PER2: variants seen among roughly 807,000 people sequenced by gnomAD.
The protein encoded by PER2 is period circadian protein homolog 2.
A neutral mutation model predicts 121.0 loss-of-function variants in PER2; 66 were observed. That is an observed-to-expected ratio of 0.55 (90% CI 0.45 to 0.67). The LOEUF (loss-of-function observed/expected upper bound fraction) is 0.67. Among genes scored for constraint, PER2 ranks in the 30% least tolerant of loss-of-function variants. The probability of loss-of-function intolerance (pLI) is 0.00; values close to 1 mark genes in which losing one functional copy is unlikely to be tolerated. For missense variants in PER2, 1,521 were observed against 1,635.0 expected, an observed-to-expected ratio of 0.93 and a Z score of 1.20; for synonymous variants, 684 against 659.9, an observed-to-expected ratio of 1.04 and a Z score of -0.56.
chr2:238,290,277 C>G (rs950153185), upstream of PER2, among the ~76,000 whole-genome samples: 1 of 152,136 alleles, frequency 6.6e-6, no homozygotes, highest in Non-Finnish European at 1.5e-5. Flanking sequence ...GACACCTCGA[C>G]ACACTCCCCG....
rs905950478 is a variant in PER2 at position 238,278,231 on chromosome 2, G to A, written c.-19-276C>T. 3.3e-5 allele frequency among the ~76,000 whole-genome samples: 5 copies of A among 152,154 alleles called. No individual in the cohort carries two copies. The East Asian group carries it at 5.8e-4, about 18-fold the overall frequency. ...ACCACAGGCACTCACCACCATGCCT[G>A]GTTAATTTTTTGTATTTTTGGTAGA... On this transcript the variant is annotated intron_variant, in intron 1 of 22. Transcript: ENST00000254657.
rs989227244 is a variant in PER2 at position 238,252,550 on chromosome 2, C to A, written c.3111+362G>T. On this transcript the variant is annotated intron_variant, in intron 19 of 22. Transcript: ENST00000254657. This position sits in a 1 kb window ranked among gnomAD's most constrained non-coding sequence, Gnocchi z 4.2. The stretch of plus-strand genomic sequence containing the variant: ...CGGGGCCACCTGAGCCAGGCTCCGG[C>A]GCCACACCCTGAGGAGCCCTAGCTC... Among the ~76,000 whole-genome samples the A allele has an allele frequency of 6.6e-6, 1 of 152,196 alleles. No individual in the cohort carries two copies. Among genetic ancestry groups the A allele is most frequent in the Non-Finnish European group, 1.5e-5 (1 of 68,030 alleles).
chr2:238,279,968 C>T (rs979665031), intron 1 of PER2, among the ~76,000 whole-genome samples: 5 of 152,216 alleles, frequency 3.3e-5, no homozygotes, highest in African/African-American at 7.2e-5. Context: ...CAAGGCTGGA[C>T]AGTCAAGAGC....
chr2:238,270,256 T>C lies in PER2; in HGVS notation c.772+1056A>G, dbSNP rs189311109. On this transcript the variant is annotated intron_variant, in intron 6 of 22. Transcript: ENST00000254657. ...ACAGAAACAACTTGGCATTCAAGGC[T>C]TACATCGGTATTTTGGTAAAATAGT... Among the ~76,000 whole-genome samples, 157 of 152,324 alleles carry C rather than the reference T, an allele frequency of 1.0e-3. 1 individual carries two copies. The highest frequency in any genetic ancestry group is 3.4e-3 in the African/African-American group (140 of 41,564).
chr2:238,252,821 A>AC lies in PER2; in HGVS notation c.3111+90dup, dbSNP rs1379334429. 2.7e-6 allele frequency: 3 copies of AC among 1,114,754 alleles called. No individual in the cohort carries two copies. The highest frequency in any genetic ancestry group is 3.0e-5 in the African/African-American group (2 of 65,594). The allele number at this position is 1,114,754 out of a possible 1,614,324, so 69.1% of individuals were successfully genotyped here. A position where few individuals can be genotyped will look rare whatever the true frequency, so the allele number is the denominator to read the frequency against. On this transcript the variant is annotated intron_variant, in intron 19 of 22. Transcript: ENST00000254657. This position sits in a 1 kb window ranked among gnomAD's most constrained non-coding sequence, Gnocchi z 4.2. ...GTTTGGTGGAAACCTCAATCGTGTA[A>AC]CCCCCATGTCTGAACTGAGGATGTG...
intron 4 of PER2, among the ~76,000 whole-genome samples, chr2:238,275,250 A>T (rs920167270): frequency 3.9e-5 from 6 of 152,194 alleles, no homozygotes; most frequent in Non-Finnish European, 8.8e-5. Flanking sequence ...TCACACACCA[A>T]CTGGCAGGAG....
the PER2 span, chr2:238,295,843 G>A: frequency 1.6e-5 from 3 of 182,644 alleles, no homozygotes; most frequent in East Asian, 1.8e-4. Flanking sequence ...TGTGTAGGTG[G>A]ACTGTTGGGG....
At chr2:238,293,145 T>C (rs2106340049), upstream of PER2, among the ~76,000 whole-genome samples, 1 of 152,286 alleles carries the variant, frequency 6.6e-6, no homozygotes, top group South Asian at 2.1e-4. Context: ...TCTTTTCTTT[T>C]TTGCAGATCT....
rs1260374135 is a variant in PER2, at chr2:238,288,527, A to C, written c.-198T>G. ...TCAAGCCGAGGAGTCCAGCAGCCCA[A>C]GGAACTTCCGGCGGCGCCTCCGCTG... On this transcript the variant is annotated 5_prime_UTR_variant, in exon 1 of 23. Coordinates refer to ENST00000254657, the MANE Select transcript of PER2 (RefSeq NM_022817.3). 2.0e-5 allele frequency: 3 copies of C among 151,976 alleles called. No individual in the cohort carries two copies. The highest frequency in any genetic ancestry group is 4.8e-5 in the African/African-American group (2 of 41,418). 9.4% of individuals were successfully genotyped at this position (151,976 alleles called of 1,614,324 possible).
rs903939074 is a variant in PER2 at position 238,245,617 on chromosome 2, A to G, written c.*758T>C. 2.5e-5 allele frequency: 10 copies of G among 398,538 alleles called. No homozygotes were observed. Among genetic ancestry groups the G allele is most frequent in the Non-Finnish European group, 4.4e-5 (10 of 226,090 alleles). 24.7% of individuals were successfully genotyped at this position (398,538 alleles called of 1,614,324 possible). A position where few individuals can be genotyped will look rare whatever the true frequency, so the allele number is the denominator to read the frequency against. On this transcript the variant is annotated 3_prime_UTR_variant, in exon 23 of 23. Transcript: ENST00000254657. The stretch of plus-strand genomic sequence containing the variant: ...TATTTTAATCTCCATATTGGCCATC[A>G]TGGTCTGAAAAGGAGACAAGAATAA...
chr2:238,287,821 T>C (rs548397212), intron 1 of PER2, among the ~76,000 whole-genome samples: 1 of 152,284 alleles, frequency 6.6e-6, no homozygotes, highest in Admixed American at 6.5e-5. Flanking sequence ...ACCCTGGCCT[T>C]CCTGAAGGGG....
the PER2 span, among the ~76,000 whole-genome samples, chr2:238,297,057 C>T: frequency 6.6e-6 from 1 of 152,146 alleles, no homozygotes; most frequent in African/African-American, 2.4e-5. Context: ...TCACAAATAA[C>T]CCCCAAAAGG....
intron 13 of PER2, 76 bp downstream of exon 13, chr2:238,260,752 T>G: frequency 1.3e-6 from 2 of 1,547,856 alleles, no homozygotes; most frequent in South Asian, 2.2e-5. Flanking sequence ...TGCCAAAGGT[T>G]GTCTTGAGTG....
chr2:238,260,093 A>G (rs1425720227), intron 13 of PER2, 40 bp from the exon 14 acceptor site: 1 of 874,778 alleles, frequency 1.1e-6, no homozygotes, highest in Non-Finnish European at 1.9e-6. Context: ...TCATTCTAGG[A>G]GACCTCCTTC....
the PER2 span, among the ~76,000 whole-genome samples, chr2:238,298,081 C>T: frequency 6.8e-6 from 1 of 146,602 alleles, no homozygotes. Flanking sequence ...CCCCCAGGCT[C>T]TAGAGTGCAG....
chr2:238,282,215 A>G (rs922097410), intron 1 of PER2, among the ~76,000 whole-genome samples: 4 of 152,082 alleles, frequency 2.6e-5, no homozygotes, highest in African/African-American at 9.7e-5. Context: ...TGCTCTGACC[A>G]CAGAGACTCT....
intron 1 of PER2, among the ~76,000 whole-genome samples, chr2:238,278,394 C>T (rs1696523407): frequency 6.6e-6 from 1 of 152,208 alleles, no homozygotes; most frequent in African/African-American, 2.4e-5. Context: ...GGATCAATCA[C>T]ACGCACGTTA....
At chr2:238,272,901 G>A (rs1040711396) in intron 5 of PER2, among the ~76,000 whole-genome samples, 169 bp downstream of exon 5, 1 of 152,228 alleles carries the variant, frequency 6.6e-6, no homozygotes, top group Non-Finnish European at 1.5e-5. Context: ...GAACATGAAT[G>A]CCACTTCCAG....
intron 1 of PER2, among the ~76,000 whole-genome samples, chr2:238,279,228 C>T (rs1232796227): frequency 6.6e-6 from 1 of 152,188 alleles, no homozygotes; most frequent in Admixed American, 6.5e-5. Context: ...CAGATGAAGG[C>T]CCTGCTTGAC....
Sources: allele counts gnomAD v4.1 joint callset (sites outside exome capture counted in the v4.1 genomes callset), GRCh38; gene constraint gnomAD v4.1.1; non-coding constraint Gnocchi (gnomAD v3.1); transcripts MANE v1.5; gene names NCBI Gene and HGNC (gene_info 2026-07-23, HGNC 2026-07-21).